Variants in ANO7 observed in about 807,000 individuals in gnomAD.
The protein encoded by ANO7 is anoctamin-7.
Under a neutral mutation model 115.8 loss-of-function variants are expected in ANO7, and 114 were observed. The ratio of observed to expected loss-of-function variants is 0.98; its 90% CI spans 0.85 to 1.15. ANO7 has a LOEUF of 1.15. Ranked by LOEUF, ANO7 falls within the 50% of genes most tolerant of loss-of-function variation. The pLI is 0.00. For synonymous variants in ANO7, 550 were observed against 498.2 expected (o/e 1.10, Z -1.38); for missense variants, 1,302 against 1,201.2 (o/e 1.08, Z -1.24).
downstream of ANO7, chr2:241,229,799 C>A: frequency 6.4e-7 from 1 of 1,562,940 alleles, no homozygotes; most frequent in South Asian, 1.2e-5. Flanking sequence ...CCCACCCTCC[C>A]TGGGACCCAG....
chr2:241,215,053 G>A (rs757639496), intron 18 of ANO7, 151 bp downstream of exon 18: 54 of 732,354 alleles, frequency 7.4e-5, no homozygotes, highest in African/African-American at 2.5e-4. Context: ...GTGCCCGGCC[G>A]TCTGCCCCGG....
At chr2:241,229,784 G>GGGCCCC, downstream of ANO7, 14 of 1,502,482 alleles carry the variant, frequency 9.3e-6, no homozygotes, top group African/African-American at 1.4e-5. Context: ...AAGCCCGCCT[G>GGGCCCC]CCCGCCCACC....
chr2:241,235,349 C>G, the ANO7 span: 1 of 1,544,674 alleles, frequency 6.5e-7, no homozygotes, highest in Non-Finnish European at 8.8e-7. Context: ...AGAGGGAAGG[C>G]CACCCGCCGT....
the ANO7 span, chr2:241,235,448 C>T: frequency 2.0e-6 from 3 of 1,510,538 alleles, no homozygotes; most frequent in Non-Finnish European, 2.8e-6. Context: ...GAGGATGCGA[C>T]AGGCCACTCC....
intron 10 of ANO7, 61 bp downstream of exon 10, chr2:241,205,016 CG>C: frequency 3.4e-6 from 5 of 1,485,404 alleles, no homozygotes; most frequent in Non-Finnish European, 3.7e-6. Flanking sequence ...GGGTGTGGGG[CG>C]GGGGGACCCC....
intron 6 of ANO7, 64 bp from the exon 7 acceptor site, chr2:241,201,234 C>T: frequency 1.3e-6 from 2 of 1,518,374 alleles, no homozygotes; most frequent in Non-Finnish European, 1.7e-6. Flanking sequence ...TCCTCCAAAC[C>T]TTCTGCACCG....
intron 4 of ANO7, 142 bp downstream of exon 4, chr2:241,195,987 A>G: frequency 1.3e-6 from 2 of 1,546,970 alleles, no homozygotes; most frequent in Admixed American, 1.9e-5. Flanking sequence ...CCCCCCAGCC[A>G]CCGTGAGCTC....
the ANO7 span, chr2:241,234,053 G>C: frequency 1.4e-6 from 2 of 1,424,816 alleles, no homozygotes; most frequent in Non-Finnish European, 2.0e-6. Context: ...TAGGACACTG[G>C]AGATGCTGCA....
chr2:241,198,916 G>A (rs931377227), intron 4 of ANO7, among the ~76,000 whole-genome samples: 1 of 152,230 alleles, frequency 6.6e-6, no homozygotes, highest in Admixed American at 6.5e-5. Flanking sequence ...TACACCTGGT[G>A]ACCGATCAAA....
intron 4 of ANO7, among the ~76,000 whole-genome samples, chr2:241,198,365 G>A (rs1303499981): frequency 2.6e-5 from 4 of 152,212 alleles, no homozygotes; most frequent in Non-Finnish European, 5.9e-5. Flanking sequence ...GTGTCTGGGA[G>A]GTGGAGGTGA....
the ANO7 span, among the ~76,000 whole-genome samples, chr2:241,233,622 A>G: frequency 3.3e-5 from 5 of 152,252 alleles, no homozygotes; most frequent in Admixed American, 1.3e-4. The surrounding 1 kb of genome is among the most constrained non-coding windows in gnomAD (Gnocchi z 4.3). Flanking sequence ...CAGATGATAC[A>G]TAGTGCCAGA....
intron 21 of ANO7, among the ~76,000 whole-genome samples, chr2:241,222,251 T>C (rs1346267505): frequency 6.7e-6 from 1 of 149,976 alleles, no homozygotes; most frequent in Non-Finnish European, 1.5e-5. Flanking sequence ...AATAAATAAA[T>C]AAATAAATAA....
chr2:241,218,503 G>T (rs1020780609), intron 21 of ANO7, 122 bp downstream of exon 21: 63 of 880,990 alleles, frequency 7.2e-5, no homozygotes, highest in Admixed American at 9.3e-5. Context: ...GGGCAAGGCC[G>T]GGGGAGGGGG....
chr2:241,223,878 C>T (rs1245210358), intron 23 of ANO7, 27 bp from the exon 24 acceptor site: 23 of 1,614,006 alleles, frequency 1.4e-5, no homozygotes, highest in Non-Finnish European at 1.7e-5. Context: ...CATCCCTCTT[C>T]CTCTTGCTGC....
rs545323590 is a variant in ANO7, at chr2:241,204,189, C to T, written c.890-676C>T. 1.0e-3 allele frequency among the ~76,000 whole-genome samples: 158 copies of T among 152,318 alleles called. 1 individual carries two copies. Among genetic ancestry groups the T allele is most frequent in the African/African-American group, 2.9e-3 (122 of 41,572 alleles). Reference sequence around the variant, plus strand: ...CCATCTCAGGACCTGGAGCAGCAACCCTGGGACAGCACGGCCAGGCTGGGG... The same window carrying T: ...CCATCTCAGGACCTGGAGCAGCAACTCTGGGACAGCACGGCCAGGCTGGGG... On this transcript the variant is annotated intron_variant, in intron 9 of 24. Transcript: ENST00000674324.
In ANO7 at chr2:241,217,896, G is replaced by A. The variant is rs1168868965; in HGVS notation, c.2178+5G>A. ...CACCTGGCGGTCATCAGCAACGTGA[G>A]GCCCGGGCGGGAGCGCGGGGCGGGG... On this transcript the variant is annotated splice_donor_5th_base_variant and intron_variant, in intron 20 of 24. Coordinates refer to ENST00000674324, the MANE Select transcript of ANO7 (RefSeq NM_001370694.2). The A allele has an allele frequency of 3.3e-6, 5 of 1,537,328 alleles. No homozygotes were observed. The highest frequency in any genetic ancestry group is 4.4e-6 in the Non-Finnish European group (5 of 1,147,514).
chr2:241,218,198 C>G, intron 20 of ANO7, 41 bp from the exon 21 acceptor site: 3 of 1,242,120 alleles, frequency 2.4e-6, no homozygotes. Flanking sequence ...CGCGCAGGGG[C>G]GGAGCGGGGG....
In ANO7 at chr2:241,203,393, C is replaced by A. The variant is rs1054241858; in HGVS notation, c.784C>A (p.Leu262Ile). The A allele has an allele frequency of 2.5e-6, 4 of 1,602,480 alleles. No individual in the cohort carries two copies. The African/African-American group carries it at 4.0e-5, about 16-fold the overall frequency. ...TCCACGCCTCAACCAGCGCCAAGTC[C>A]TTTTCCAGCACTGGGCGCGCTGGGG... is the stretch of plus-strand genomic sequence containing the variant. The part of the protein sequence containing the change: ...QAPRLNQRQV[L>I]FQHWARWGKW... Residue 262 changes from leucine (L) to isoleucine (I), a missense_variant, in exon 9 of 25, where the codon CTT (leucine) becomes ATT (isoleucine). Physicochemically the swap from Leu to Ile is conservative, Grantham distance 5 (BLOSUM62 2). Coordinates refer to ENST00000674324, the MANE Select transcript of ANO7 (RefSeq NM_001370694.2). The surrounding 1 kb of genome is among the most constrained non-coding windows in gnomAD (Gnocchi z 4.8).
intron 3 of ANO7, among the ~76,000 whole-genome samples, chr2:241,194,902 T>C (rs2068287141): frequency 6.6e-6 from 1 of 152,218 alleles, no homozygotes; most frequent in Non-Finnish European, 1.5e-5. Context: ...TCCGTTGTCC[T>C]TACTCCTCGG....
Sources: gnomAD v4.1 joint callset for allele counts (sites outside exome capture counted in the v4.1 genomes callset) on GRCh38, gnomAD v4.1.1 for gene constraint, Gnocchi (gnomAD v3.1) non-coding constraint, MANE v1.5 for transcripts, NCBI Gene and HGNC (gene_info 2026-07-23, HGNC 2026-07-21) for gene names.